The following DPP10 variants were observed in gnomAD, a reference collection of about 807,000 sequenced individuals.
DPP10 encodes dipeptidyl peptidase like 10.
DPP10 carries 33 observed loss-of-function variants against 120.9 expected under a neutral mutation model. The observed-to-expected ratio is 0.27, with a 90% CI of 0.21 to 0.37. The LOEUF (loss-of-function observed/expected upper bound fraction) is 0.37, where lower values mean the gene tolerates loss of function less well. Among genes scored for constraint, DPP10 ranks in the 10% least tolerant of loss-of-function variants. The probability of loss-of-function intolerance (pLI) is 1.00; values close to 1 mark genes in which losing one functional copy is unlikely to be tolerated. For synonymous variants in DPP10, 337 were observed against 326.1 expected (o/e 1.03, Z -0.36); for missense variants, 816 against 942.8 (o/e 0.87, Z 1.76).
At chr2:114,549,928 G>T (rs1424290240) in intron 1 of DPP10, among the ~76,000 whole-genome samples, 2 of 152,084 alleles carry the variant, frequency 1.3e-5, no homozygotes, top group African/African-American at 4.8e-5. Flanking sequence ...GGCTGGAAGA[G>T]AAGGGCAAGG....
intron 1 of DPP10, among the ~76,000 whole-genome samples, chr2:115,014,932 G>A (rs1011612702): frequency 5.3e-5 from 8 of 150,674 alleles, no homozygotes; most frequent in African/African-American, 1.7e-4. Flanking sequence ...ACAAAGAGGA[G>A]CTGGTACCAT....
intron 1 of DPP10, among the ~76,000 whole-genome samples, chr2:114,854,519 C>T (rs927783380): frequency 2.6e-5 from 4 of 152,026 alleles, no homozygotes; most frequent in South Asian, 2.1e-4. Flanking sequence ...CACTCTCTGT[C>T]GACGCTCAAA....
At chr2:115,315,276 TACACACACACACACAC>T (rs138469343) in intron 2 of DPP10, among the ~76,000 whole-genome samples, 4 of 147,816 alleles carry the variant, frequency 2.7e-5, no homozygotes, top group Admixed American at 6.8e-5. Flanking sequence ...CACACACACA[TACACACACACACACAC>T]ACATACATCT....
intron 10 of DPP10, among the ~76,000 whole-genome samples, chr2:115,747,799 T>G (rs1407205404): frequency 6.6e-6 from 1 of 152,146 alleles, no homozygotes; most frequent in Non-Finnish European, 1.5e-5. Context: ...TTCACTGTGT[T>G]AGCCAGGATG....
chr2:115,666,060 C>A (rs1277463443), intron 5 of DPP10, among the ~76,000 whole-genome samples: 1 of 152,080 alleles, frequency 6.6e-6, no homozygotes, highest in African/African-American at 2.4e-5. Context: ...CCTCCACCCT[C>A]AAGTAGACCT....
intron 1 of DPP10, among the ~76,000 whole-genome samples, chr2:115,045,082 A>G (rs11683860): frequency 6.6e-6 from 1 of 152,206 alleles, no homozygotes; most frequent in African/African-American, 2.4e-5. Context: ...ATAAATACAG[A>G]GTGCAGATAT....
chr2:114,932,875 C>G (rs150583846), intron 1 of DPP10, among the ~76,000 whole-genome samples: 24 of 152,158 alleles, frequency 1.6e-4, no homozygotes, highest in African/African-American at 5.8e-4. Context: ...AAAAGTATGC[C>G]TCACTCCTAC....
Position 114,452,983 on chromosome 2 carries a change from A to C in DPP10, c.60+10145A>C, listed in dbSNP as rs182350317. On this transcript the variant is annotated intron_variant, in intron 1 of 25. Transcript: ENST00000410059. ...GTACCCCACAACTCTTGTTGGTTAG[A>C]ACTAAATCTTGCACCAATTCCTTAT... Among the ~76,000 whole-genome samples the C allele has an allele frequency of 3.2e-3, 485 of 152,224 alleles. 1 individual carries two copies. Among genetic ancestry groups the C allele is most frequent in the Non-Finnish European group, 6.1e-3 (412 of 68,002 alleles).
intron 5 of DPP10, among the ~76,000 whole-genome samples, chr2:115,554,613 A>G (rs1001605826): frequency 2.0e-5 from 3 of 152,072 alleles, no homozygotes. Flanking sequence ...TCATACCCCA[A>G]AGGTAACAAT....
chr2:114,868,599 T>A (rs992037442), intron 1 of DPP10, among the ~76,000 whole-genome samples: 1 of 152,046 alleles, frequency 6.6e-6, no homozygotes, highest in African/African-American at 2.4e-5. Context: ...GTCAGACAAA[T>A]AACAGGATGT....
intron 1 of DPP10, among the ~76,000 whole-genome samples, chr2:114,457,645 C>T (rs1678653375): frequency 6.6e-6 from 1 of 152,086 alleles, no homozygotes; most frequent in African/African-American, 2.4e-5. Flanking sequence ...AGTAGTCTGC[C>T]CCCAAATCAC....
At chr2:114,763,259 G>T (rs766146917) in intron 1 of DPP10, among the ~76,000 whole-genome samples, 17 of 152,140 alleles carry the variant, frequency 1.1e-4, no homozygotes, top group Non-Finnish European at 1.9e-4. Context: ...ATCATGAAAG[G>T]CCTTTTGTGT....
At chr2:114,946,645 C>T (rs1574544950) in intron 1 of DPP10, among the ~76,000 whole-genome samples, 1 of 151,794 alleles carries the variant, frequency 6.6e-6, no homozygotes, top group Non-Finnish European at 1.5e-5. Flanking sequence ...AGCATAAATC[C>T]ATGTTTTATT....
chr2:114,880,210 C>T (rs1691494584), intron 1 of DPP10, among the ~76,000 whole-genome samples: 1 of 152,120 alleles, frequency 6.6e-6, no homozygotes, highest in South Asian at 2.1e-4. Context: ...AGTTGAGAAG[C>T]TTAGCTTACG....
At chr2:114,897,476 C>T (rs537947967) in intron 1 of DPP10, among the ~76,000 whole-genome samples, 1 of 152,258 alleles carries the variant, frequency 6.6e-6, no homozygotes, top group South Asian at 2.1e-4. Flanking sequence ...GCAATGGCAA[C>T]AAAAGCCAAA....
At chr2:115,231,785 C>G (rs900809430) in intron 1 of DPP10, among the ~76,000 whole-genome samples, 3 of 152,132 alleles carry the variant, frequency 2.0e-5, no homozygotes, top group African/African-American at 7.2e-5. Context: ...CTCACCATTT[C>G]CCTCCCTCTA....
intron 21 of DPP10, among the ~76,000 whole-genome samples, chr2:115,819,751 T>C (rs1007461491): frequency 3.3e-5 from 5 of 152,174 alleles, no homozygotes; most frequent in African/African-American, 7.2e-5. Context: ...CCCAGCACCT[T>C]GGGAGGCCGA....
intron 1 of DPP10, among the ~76,000 whole-genome samples, chr2:114,825,523 A>G (rs746970621): frequency 1.3e-5 from 2 of 152,208 alleles, no homozygotes; most frequent in Admixed American, 6.5e-5. Context: ...TATTTTCTAA[A>G]CATAAAGAAG....
At chr2:115,336,988 A>C (rs1159309065) in intron 2 of DPP10, among the ~76,000 whole-genome samples, 2 of 152,028 alleles carry the variant, frequency 1.3e-5, no homozygotes, top group Admixed American at 1.3e-4. Flanking sequence ...GTCTGATTCT[A>C]ACATAAATTA....
Sources: gnomAD v4.1 joint callset for allele counts (sites outside exome capture counted in the v4.1 genomes callset) on GRCh38, gnomAD v4.1.1 for gene constraint, MANE v1.5 for transcripts, NCBI Gene and HGNC (gene_info 2026-07-23, HGNC 2026-07-21) for gene names.